Variants in ME1 observed in about 807,000 individuals in gnomAD.
ME1 encodes NADP-dependent malic enzyme.
A neutral mutation model predicts 66.4 loss-of-function variants in ME1; 74 were observed. That is an observed-to-expected ratio of 1.11 (90% CI 0.92 to 1.35). The LOEUF (loss-of-function observed/expected upper bound fraction) is 1.35. Among genes scored for constraint, ME1 ranks in the 40% most tolerant of loss-of-function variants. The probability of loss-of-function intolerance (pLI) is 0.00; values close to 1 mark genes in which losing one functional copy is unlikely to be tolerated. For synonymous variants in ME1, 251 were observed against 235.6 expected, an observed-to-expected ratio of 1.07 and a Z score of -0.60; for missense variants, 750 against 694.1, an observed-to-expected ratio of 1.08 and a Z score of -0.90.
chr6:83,405,312 A>G (rs185929423), intron 2 of ME1, among the ~76,000 whole-genome samples: 1 of 152,096 alleles, frequency 6.6e-6, no homozygotes, highest in Admixed American at 6.6e-5. Context: ...CTGCTTGTCT[A>G]TCTTTGGTGT....
chr6:83,242,768 G>GAAA (rs1405764761), intron 7 of ME1, among the ~76,000 whole-genome samples: 1 of 152,134 alleles, frequency 6.6e-6, no homozygotes, highest in Non-Finnish European at 1.5e-5. Context: ...CAACATTTTA[G>GAAA]AAGCTGACAG....
chr6:83,286,673 T>C (rs1767401756), intron 6 of ME1, among the ~76,000 whole-genome samples: 1 of 152,190 alleles, frequency 6.6e-6, no homozygotes, highest in Non-Finnish European at 1.5e-5. Context: ...AAGAAAATTC[T>C]TTTGCATTTA....
intron 7 of ME1, among the ~76,000 whole-genome samples, chr6:83,246,221 T>C (rs749539237): frequency 1.7e-4 from 26 of 152,288 alleles, no homozygotes; most frequent in Non-Finnish European, 3.2e-4. Context: ...GATTATATAT[T>C]AGGTATTTTT....
At chr6:83,313,277 T>C (rs1022985153) in intron 6 of ME1, among the ~76,000 whole-genome samples, 1 of 152,202 alleles carries the variant, frequency 6.6e-6, no homozygotes, top group Non-Finnish European at 1.5e-5. Context: ...TCTTTGGCAT[T>C]TTTCTCTGGA....
chr6:83,247,917 T>C (rs926838873), intron 7 of ME1, among the ~76,000 whole-genome samples: 3 of 152,226 alleles, frequency 2.0e-5, no homozygotes, highest in Non-Finnish European at 4.4e-5. Flanking sequence ...AGACTATATA[T>C]GTGCAGATTA....
chr6:83,379,464 T>C (rs1051461926), intron 3 of ME1, among the ~76,000 whole-genome samples: 1 of 152,074 alleles, frequency 6.6e-6, no homozygotes, highest in Non-Finnish European at 1.5e-5. Context: ...AAATATGATA[T>C]ACTAGTCGTG....
chr6:83,329,704 C>T (rs1768368569), intron 5 of ME1, among the ~76,000 whole-genome samples: 1 of 152,044 alleles, frequency 6.6e-6, no homozygotes, highest in Non-Finnish European at 1.5e-5. Flanking sequence ...AGTTTATTGA[C>T]CATTTTTATT....
Position 83,396,743 on chromosome 6 carries a change from TCA to T in ME1, c.362+1622_362+1623del, listed in dbSNP as rs200264767. Among the ~76,000 whole-genome samples the T allele has an allele frequency of 8.7e-3, 1,331 of 152,148 alleles. 19 individuals are homozygous for T. The highest frequency in any genetic ancestry group is 0.03 in the African/African-American group (1,246 of 41,508). On this transcript the variant is annotated intron_variant, in intron 3 of 13. Coordinates refer to ENST00000369705, the MANE Select transcript of ME1 (RefSeq NM_002395.6). ...AAAATATACTGTTAAGTTATGGTAATCACAACGGCATGGTACCAGTATAAAAA... is the reference window on the plus strand; with the variant it reads ...AAAATATACTGTTAAGTTATGGTAATCAACGGCATGGTACCAGTATAAAAA...
At chr6:83,392,500 G>A (rs925371938) in intron 3 of ME1, 7 of 524,904 alleles carry the variant, frequency 1.3e-5, no homozygotes, top group East Asian at 1.0e-4. Context: ...TGGTTAAGTC[G>A]ATATTGTCGC....
rs1769647969 is a variant in ME1 at position 83,392,798 on chromosome 6, C to T, written c.362+5569G>A. The stretch of plus-strand genomic sequence containing the variant: ...ATCATCTCTGCACCCTCTGCTGATG[C>T]CCCCATGTTCGTGATGGGTGTGAAC... On this transcript the variant is annotated intron_variant, in intron 3 of 13. Coordinates refer to ENST00000369705, the MANE Select transcript of ME1 (RefSeq NM_002395.6). The T allele has an allele frequency of 7.0e-6, 5 of 712,660 alleles. No homozygotes were observed. The Admixed American group carries it at 8.9e-5, about 13-fold the overall frequency. The allele number at this position is 712,660 out of a possible 1,614,324, so 44.1% of individuals were successfully genotyped here. A position where few individuals can be genotyped will look rare whatever the true frequency, so the allele number is the denominator to read the frequency against.
intron 1 of ME1, among the ~76,000 whole-genome samples, chr6:83,417,404 G>T (rs991968108): frequency 1.3e-5 from 2 of 150,046 alleles, no homozygotes; most frequent in Non-Finnish European, 2.9e-5. Context: ...GTTTTGAGAC[G>T]GAGTCTCACT....
At chr6:83,384,332 T>G (rs2128548968) in intron 3 of ME1, among the ~76,000 whole-genome samples, 1 of 151,606 alleles carries the variant, frequency 6.6e-6, no homozygotes, top group East Asian at 1.9e-4. Flanking sequence ...CACCAACATC[T>G]GATTTTTTTT....
chr6:83,328,461 A>G (rs904135861), intron 5 of ME1, among the ~76,000 whole-genome samples: 6 of 152,212 alleles, frequency 3.9e-5, no homozygotes, highest in African/African-American at 1.4e-4. Context: ...CTTAAAGTAT[A>G]TAAAAAAATT....
chr6:83,253,836 C>A, intron 6 of ME1, 98 bp from the exon 7 acceptor site: 1 of 620,474 alleles, frequency 1.6e-6, no homozygotes, highest in South Asian at 2.1e-5. Flanking sequence ...AACATTATTT[C>A]CTTTTAAAGG....
intron 9 of ME1, 97 bp from the exon 10 acceptor site, chr6:83,229,028 T>G (rs1229942943): frequency 1.1e-5 from 8 of 757,254 alleles, no homozygotes; most frequent in Non-Finnish European, 1.8e-5. Flanking sequence ...GCTTAACATT[T>G]TTATGTATGA....
intron 2 of ME1, among the ~76,000 whole-genome samples, chr6:83,405,546 A>T (rs533398074): frequency 6.6e-5 from 10 of 152,096 alleles, no homozygotes; most frequent in Admixed American, 2.0e-4. Flanking sequence ...ACCATGCTGA[A>T]TAGGAGTAGT....
At chr6:83,420,502 G>A (rs912825768) in intron 1 of ME1, among the ~76,000 whole-genome samples, 2 of 152,162 alleles carry the variant, frequency 1.3e-5, no homozygotes, top group Non-Finnish European at 2.9e-5. Flanking sequence ...TAATTAAGCT[G>A]TATCTTAGTT....
chr6:83,237,941 T>C (rs973468094), intron 8 of ME1, 111 bp from the exon 9 acceptor site: 6 of 534,816 alleles, frequency 1.1e-5, no homozygotes, highest in Non-Finnish European at 2.0e-5. Context: ...TTTTGTCACA[T>C]TTAGGTTAAG....
intron 1 of ME1, among the ~76,000 whole-genome samples, chr6:83,429,769 CAA>C (rs1385342744): frequency 6.6e-6 from 1 of 152,104 alleles, no homozygotes; most frequent in East Asian, 1.9e-4. Flanking sequence ...ATATGATCAA[CAA>C]ATCATCAGGA....
Sources: allele counts gnomAD v4.1 joint callset (sites outside exome capture counted in the v4.1 genomes callset), GRCh38; gene constraint gnomAD v4.1.1; transcripts MANE v1.5; gene names NCBI Gene and HGNC (gene_info 2026-07-23, HGNC 2026-07-21).